The following GNL3 variants were observed in gnomAD, a reference collection of about 807,000 sequenced individuals.
GNL3 encodes guanine nucleotide-binding protein-like 3.
A neutral mutation model predicts 70.6 loss-of-function variants in GNL3; 77 were observed. The ratio of observed to expected loss-of-function variants is 1.09; its 90% CI spans 0.91 to 1.32. The LOEUF (loss-of-function observed/expected upper bound fraction) is 1.32. Ranked by LOEUF, GNL3 falls within the 40% of genes most tolerant of loss-of-function variation. The probability of loss-of-function intolerance (pLI) is 0.00; values close to 1 mark genes in which losing one functional copy is unlikely to be tolerated. For synonymous variants in GNL3, 252 were observed against 216.1 expected, an observed-to-expected ratio of 1.17 and a Z score of -1.46; for missense variants, 634 against 644.0, an observed-to-expected ratio of 0.98 and a Z score of 0.17.
chr3:52,693,810 A>G lies in GNL3; in HGVS notation c.1500+3A>G, dbSNP rs1451187997. 6.2e-7 allele frequency: 1 copy of G among 1,610,368 alleles called. No individual in the cohort carries two copies. The highest frequency in any genetic ancestry group is 2.2e-5 in the East Asian group (1 of 44,870). On this transcript the variant is annotated splice_donor_region_variant and intron_variant, in intron 13 of 14. Coordinates refer to ENST00000418458, the MANE Select transcript of GNL3 (RefSeq NM_014366.5). ...AAACTGTTGATGAAGAAGTTGATGT[A>G]AGTGTGTCCTCCATGAGTTAAAACT...
At position 52,694,076 on chromosome 3, in the gene GNL3, G is replaced by C. The variant is rs199658349; in HGVS notation, c.1540G>C (p.Glu514Gln). The change falls in exon 14 of 15, where the codon GAG becomes CAG. Residue 514 changes from glutamate (E) to glutamine (Q), a missense_variant. Transcript: ENST00000418458. ...CATGTTTGCTGCAGAAGAGACAGGG[G>C]AGGCACTGTCTGAGGAGACTACAGC... ...SGMFAAEETG[E>Q]ALSEETTAGE... 3 of 1,613,308 alleles carry C rather than the reference G, an allele frequency of 1.9e-6. No homozygotes were observed. In the South Asian group the frequency reaches 3.3e-5, roughly 18 times the overall value.
intron 4 of GNL3, chr3:52,687,908 C>A: frequency 1.7e-6 from 1 of 598,226 alleles, no homozygotes; most frequent in South Asian, 2.1e-5. Flanking sequence ...GCTGTTGTGC[C>A]TGGCTGAGAG....
intron 6 of GNL3, 101 bp downstream of exon 6, chr3:52,689,307 A>G: frequency 8.8e-7 from 1 of 1,132,148 alleles, no homozygotes; most frequent in Non-Finnish European, 1.3e-6. Flanking sequence ...CTCTGATCTC[A>G]GCAAAGCCAG....
At chr3:52,686,217 G>C (rs2097310079) in intron 1 of GNL3, 112 bp downstream of exon 1, 4 of 1,162,860 alleles carry the variant, frequency 3.4e-6, no homozygotes, top group Non-Finnish European at 5.1e-6. Context: ...GGGGGTGGGA[G>C]CCTACGCGTA....
At position 52,693,690 on chromosome 3, in the gene GNL3, T is replaced by C; in HGVS notation, c.1383T>C (p.Asn461=). The C allele has an allele frequency of 1.2e-6, 2 of 1,613,646 alleles. No individual in the cohort carries two copies. The highest frequency in any genetic ancestry group is 1.7e-6 in the Non-Finnish European group (2 of 1,179,914). Residue 461 remains asparagine, a synonymous_variant, in exon 13 of 15, where the codon AAT becomes AAC. Coordinates refer to ENST00000418458, the MANE Select transcript of GNL3 (RefSeq NM_014366.5). ...SILFQSSGLT[N]GIIEEKDIHE... ...TTTTCCAGTCTTCCGGTCTGACAAA[T>C]GGAATAATAGAAGAAAAGGACATAC... is the stretch of plus-strand genomic sequence containing the variant.
chr3:52,691,667 C>A, intron 9 of GNL3, 38 bp downstream of exon 9: 18 of 1,002,688 alleles, frequency 1.8e-5, no homozygotes, highest in Non-Finnish European at 2.6e-5. Flanking sequence ...ATTATAGTGA[C>A]ACACTATTTT....
intron 1 of GNL3, 199 bp downstream of exon 1, chr3:52,686,304 C>T: frequency 1.6e-6 from 1 of 622,870 alleles, no homozygotes; most frequent in Non-Finnish European, 2.8e-6. Context: ...CGGGCTCATT[C>T]TGCGGAACGA....
At position 52,686,075 on chromosome 3, in the gene GNL3, C is replaced by G; in HGVS notation, c.-18C>G. On this transcript the variant is annotated 5_prime_UTR_variant, in exon 1 of 15. Coordinates refer to ENST00000418458, the MANE Select transcript of GNL3 (RefSeq NM_014366.5). ...GCGGAGGCAGGTTGATGTGTTTGTG[C>G]TTCCTTCTACAGCCAATATGAAAAG... 1 of 1,186,760 alleles carries G rather than the reference C, an allele frequency of 8.4e-7. No homozygotes were observed. The highest frequency in any genetic ancestry group is 1.3e-6 in the Non-Finnish European group (1 of 789,114). The allele number at this position is 1,186,760 out of a possible 1,614,324, so 73.5% of individuals were successfully genotyped here. A position where few individuals can be genotyped will look rare whatever the true frequency, so the allele number is the denominator to read the frequency against.
intron 4 of GNL3, chr3:52,687,907 C>T: frequency 6.7e-6 from 4 of 597,150 alleles, no homozygotes; most frequent in Non-Finnish European, 9.0e-6. Flanking sequence ...GGCTGTTGTG[C>T]CTGGCTGAGA....
At chr3:52,686,182 G>C in intron 1 of GNL3, 77 bp downstream of exon 1, 1 of 1,528,596 alleles carries the variant, frequency 6.5e-7, no homozygotes, top group South Asian at 1.1e-5. Context: ...CTCTTCTACG[G>C]CTACGGCTTT....
Position 52,686,120 on chromosome 3 carries a change from G to A in GNL3, c.13+15G>A, listed in dbSNP as rs1341979005. 6.3e-7 allele frequency: 1 copy of A among 1,579,378 alleles called. No homozygotes were observed. The highest frequency in any genetic ancestry group is 8.7e-7 in the Non-Finnish European group (1 of 1,149,260). Reference sequence around the variant, plus strand: ...GAAAAGGCCTAGTAAGTGGGGTCGGGAGGCGGGCGTGGAGGGACCCACGTC... The same window carrying A: ...GAAAAGGCCTAGTAAGTGGGGTCGGAAGGCGGGCGTGGAGGGACCCACGTC... On this transcript the variant is annotated intron_variant, in intron 1 of 14. Coordinates refer to ENST00000418458, the MANE Select transcript of GNL3 (RefSeq NM_014366.5).
Position 52,693,499 on chromosome 3 carries a change from T to C in GNL3, c.1279T>C (p.Phe427Leu), listed in dbSNP as rs2097329377. 1 of 1,614,078 alleles carries C rather than the reference T, an allele frequency of 6.2e-7. No homozygotes were observed. Residue 427 changes from phenylalanine to leucine, a missense_variant, in exon 12 of 15, where the codon TTC (phenylalanine) becomes CTC (leucine). Transcript: ENST00000418458. ...ESIVVDMKSG[F>L]NLEELEKNNA... is the part of the protein sequence containing the mutation. ...TATTGTGGTAGACATGAAAAGCGGC[T>C]TCAATCTGGAAGAACTGGAAAAGAA...
intron 6 of GNL3, 87 bp downstream of exon 6, chr3:52,689,293 C>A: frequency 8.1e-7 from 1 of 1,232,630 alleles, no homozygotes; most frequent in Non-Finnish European, 1.2e-6. Flanking sequence ...CTGATTAGAT[C>A]CAACTCTGAT....
In GNL3 at chr3:52,691,325, G is replaced by A. The variant is rs934979622; in HGVS notation, c.782-217G>A. 96 of 604,626 alleles carry A rather than the reference G, an allele frequency of 1.6e-4. 1 individual carries two copies. The highest frequency in any genetic ancestry group is 2.7e-4 in the Non-Finnish European group (93 of 344,976). The allele number at this position is 604,626 out of a possible 1,614,324, so 37.5% of individuals were successfully genotyped here. ...TACTGTAGGAAGCTGGTTTCTAAAA[G>A]TTCTTGGTTTGTTTGAATTTATAGT... On this transcript the variant is annotated intron_variant, in intron 8 of 14. Coordinates refer to ENST00000418458, the MANE Select transcript of GNL3 (RefSeq NM_014366.5).
At chr3:52,688,548 C>CA (rs549334409) in intron 5 of GNL3, among the ~76,000 whole-genome samples, 1 of 151,904 alleles carries the variant, frequency 6.6e-6, no homozygotes, top group Non-Finnish European at 1.5e-5. Flanking sequence ...GCATGATTTA[C>CA]AACATTAAAA....
At position 52,693,749 on chromosome 3, in the gene GNL3, A is replaced by C. The variant is rs2097329799; in HGVS notation, c.1442A>C (p.Gln481Pro). ...EELPKRKERK[Q>P]EEREDDKDSD... ...TTGCCAAAACGGAAAGAAAGGAAGC[A>C]GGAGGAGAGGGAGGATGACAAAGAC... Residue 481 changes from glutamine to proline, a missense_variant, in exon 13 of 15, where the codon CAG becomes CCG. Transcript: ENST00000418458. 6.3e-7 allele frequency: 1 copy of C among 1,597,926 alleles called. No homozygotes were observed. The highest frequency in any genetic ancestry group is 1.1e-5 in the South Asian group (1 of 90,874).
rs761882089 is a variant in GNL3 at position 52,693,684 on chromosome 3, G to C, written c.1377G>C (p.Leu459=). ...GCATCCTTTTCCAGTCTTCCGGTCT[G>C]ACAAATGGAATAATAGAAGAAAAGG... ...ANSILFQSSG[L]TNGIIEEKDI... is the part of the protein sequence containing the mutation. The change falls in exon 13 of 15, where the codon CTG becomes CTC. Residue 459 remains leucine, a synonymous_variant. Transcript: ENST00000418458. The C allele has an allele frequency of 6.2e-7, 1 of 1,614,094 alleles. No homozygotes were observed. The highest frequency in any genetic ancestry group is 1.1e-5 in the South Asian group (1 of 91,074).
chr3:52,693,676 TC>T lies in GNL3; in HGVS notation c.1371del (p.Gly458ValfsTer2). The T allele has an allele frequency of 6.2e-7, 1 of 1,614,152 alleles. No individual in the cohort carries two copies. Among genetic ancestry groups the T allele is most frequent in the African/African-American group, 1.3e-5 (1 of 75,030 alleles). ...GGCCAATAGCATCCTTTTCCAGTCT[TC>T]CGGTCTGACAAATGGAATAATAGAA... The part of the protein sequence containing the change: ...HLANSILFQS[S>X]GLTNGIIEEK... On this transcript the variant is annotated frameshift_variant, in exon 13 of 15. Coordinates refer to ENST00000418458, the MANE Select transcript of GNL3 (RefSeq NM_014366.5). LOFTEE classifies it high-confidence loss of function.
At chr3:52,692,837 C>T in intron 9 of GNL3, 35 bp from the exon 10 acceptor site, 2 of 1,555,548 alleles carry the variant, frequency 1.3e-6, no homozygotes, top group Non-Finnish European at 1.8e-6. Context: ...CCAAATAGAC[C>T]AATGCCCCCA....
Sources: gnomAD v4.1 joint callset for allele counts (sites outside exome capture counted in the v4.1 genomes callset) on GRCh38, gnomAD v4.1.1 for gene constraint, MANE v1.5 for transcripts, NCBI Gene and HGNC (gene_info 2026-07-23, HGNC 2026-07-21) for gene names.